The following TSFM variants were observed in gnomAD, a reference collection of about 807,000 sequenced individuals.
TSFM encodes elongation factor Ts, mitochondrial.
A neutral mutation model predicts 33.4 loss-of-function variants in TSFM; 29 were observed. The ratio of observed to expected loss-of-function variants is 0.87; its 90% CI spans 0.65 to 1.18. The LOEUF is 1.18. Ranked by LOEUF, TSFM falls within the 50% of genes most tolerant of loss-of-function variation. The probability of loss-of-function intolerance (pLI) is 0.00; values close to 1 mark genes in which losing one functional copy is unlikely to be tolerated. For synonymous variants in TSFM, 178 were observed against 163.5 expected, an observed-to-expected ratio of 1.09 and a Z score of -0.68; for missense variants, 394 against 395.6, an observed-to-expected ratio of 1.00 and a Z score of 0.04.
Position 57,796,776 on chromosome 12 carries a change from A to G in TSFM, c.*193A>G. ...CTTTTCTGTGCCTTTCAAAAACAAC[A>G]GGTGGGCCTTATTGACGTGATAGTG... On this transcript the variant is annotated 3_prime_UTR_variant, in exon 6 of 6. Coordinates refer to ENST00000652027, the MANE Select transcript of TSFM (RefSeq NM_005726.6). 1 of 1,213,686 alleles carries G rather than the reference A, an allele frequency of 8.2e-7. No individual in the cohort carries two copies. Among genetic ancestry groups the G allele is most frequent in the Non-Finnish European group, 1.0e-6 (1 of 977,316 alleles). The allele number at this position is 1,213,686 out of a possible 1,614,324, so 75.2% of individuals were successfully genotyped here.
At chr12:57,798,829 C>A (rs1955788733), downstream of TSFM, among the ~76,000 whole-genome samples, 2 of 151,988 alleles carry the variant, frequency 1.3e-5, no homozygotes, top group African/African-American at 4.8e-5. Context: ...ATTGGCCAGG[C>A]CAGTCTCGAA....
At chr12:57,784,764 C>T (rs1955566748) in intron 2 of TSFM, among the ~76,000 whole-genome samples, 2 of 151,606 alleles carry the variant, frequency 1.3e-5, no homozygotes, top group African/African-American at 4.8e-5. Flanking sequence ...CCTGTAATCC[C>T]AGCTACTCGG....
At chr12:57,800,003 A>G, downstream of TSFM, 6 of 1,532,342 alleles carry the variant, frequency 3.9e-6, no homozygotes, top group Admixed American at 9.2e-5. Flanking sequence ...ATAATATTTA[A>G]CATTTTGACT....
chr12:57,802,364 T>C, downstream of TSFM: 8 of 1,596,834 alleles, frequency 5.0e-6, no homozygotes, highest in Non-Finnish European at 5.1e-6. Flanking sequence ...AAGGTGGAGA[T>C]TTAATATATG....
At chr12:57,785,083 C>T (rs990200425) in intron 2 of TSFM, among the ~76,000 whole-genome samples, 2 of 151,610 alleles carry the variant, frequency 1.3e-5, no homozygotes, top group South Asian at 2.1e-4. Context: ...CCCGCCACCA[C>T]GCCCGGCTAA....
intron 4 of TSFM, among the ~76,000 whole-genome samples, chr12:57,790,918 C>T (rs1307740672): frequency 2.0e-5 from 3 of 150,946 alleles, no homozygotes; most frequent in Admixed American, 6.6e-5. Context: ...ATTGGCCAGG[C>T]TGGTCTCAAA....
intron 5 of TSFM, among the ~76,000 whole-genome samples, chr12:57,795,519 G>C (rs1272070990): frequency 1.3e-5 from 2 of 152,200 alleles, no homozygotes; most frequent in Admixed American, 1.3e-4. Context: ...ATGTCATTGA[G>C]TCACTTGCCC....
At chr12:57,787,929 G>A (rs1004480492) in intron 4 of TSFM, among the ~76,000 whole-genome samples, 10 of 146,674 alleles carry the variant, frequency 6.8e-5, no homozygotes, top group African/African-American at 1.1e-4. Context: ...AAAAAAAAAA[G>A]AGAGAGAGAT....
chr12:57,801,823 T>C (rs1031408602), downstream of TSFM, among the ~76,000 whole-genome samples: 1 of 152,210 alleles, frequency 6.6e-6, no homozygotes, highest in Non-Finnish European at 1.5e-5. Flanking sequence ...AAATGACTTA[T>C]CCTCTTAGCT....
chr12:57,783,409 A>T (rs1479319618), intron 2 of TSFM, 126 bp downstream of exon 2: 22 of 1,220,920 alleles, frequency 1.8e-5, no homozygotes, highest in Non-Finnish European at 2.5e-5. Context: ...CCTAAGTGGA[A>T]ATCTGGCTTA....
chr12:57,793,655 T>C (rs980721402), intron 5 of TSFM, among the ~76,000 whole-genome samples: 12 of 152,206 alleles, frequency 7.9e-5, no homozygotes, highest in African/African-American at 2.7e-4. Flanking sequence ...AATTTAGATT[T>C]GTATCCAAAA....
chr12:57,789,740 T>C (rs763600461), intron 4 of TSFM, among the ~76,000 whole-genome samples: 3 of 152,238 alleles, frequency 2.0e-5, no homozygotes, highest in Non-Finnish European at 4.4e-5. Context: ...TTTAGTGATT[T>C]ATTCAGCACT....
intron 2 of TSFM, among the ~76,000 whole-genome samples, chr12:57,784,413 GATA>G (rs1224986433): frequency 3.3e-5 from 5 of 152,122 alleles, no homozygotes; most frequent in South Asian, 2.1e-4. Flanking sequence ...TTTTTTCTGT[GATA>G]ATAAGTTAAC....
downstream of TSFM, chr12:57,802,263 G>T: frequency 6.2e-7 from 1 of 1,614,058 alleles, no homozygotes; most frequent in African/African-American, 1.3e-5. Context: ...TCGGCCGCTG[G>T]GGTGAGTGTG....
chr12:57,788,963 C>CT (rs1955626292), intron 4 of TSFM, among the ~76,000 whole-genome samples: 1 of 149,778 alleles, frequency 6.7e-6, no homozygotes, highest in Admixed American at 6.8e-5. Context: ...GTTATCATCG[C>CT]CCTTTTTTTT....
At chr12:57,790,302 T>G (rs1955645936) in intron 4 of TSFM, among the ~76,000 whole-genome samples, 1 of 152,008 alleles carries the variant, frequency 6.6e-6, no homozygotes, top group South Asian at 2.1e-4. Context: ...ACTCCTGACC[T>G]CGTGATCCAC....
downstream of TSFM, chr12:57,802,228 T>A: frequency 6.2e-7 from 1 of 1,614,178 alleles, no homozygotes; most frequent in Non-Finnish European, 8.5e-7. Context: ...CCCTGCTTAA[T>A]GATCAGGATT....
At chr12:57,800,196 A>C, downstream of TSFM, 1 of 315,178 alleles carries the variant, frequency 3.2e-6, no homozygotes, top group East Asian at 5.7e-5. Context: ...TCTGGATCTC[A>C]TTTGAATATT....
chr12:57,802,339 A>G (rs780676160), downstream of TSFM: 1 of 1,611,520 alleles, frequency 6.2e-7, no homozygotes, highest in Admixed American at 1.7e-5. Flanking sequence ...GCCCCAATCC[A>G]CAAGAACACC....
Sources: allele counts gnomAD v4.1 joint callset (sites outside exome capture counted in the v4.1 genomes callset), GRCh38; gene constraint gnomAD v4.1.1; transcripts MANE v1.5; gene names NCBI Gene and HGNC (gene_info 2026-07-23, HGNC 2026-07-21).